The following JARID2 variants were observed in gnomAD, a reference collection of about 807,000 sequenced individuals.
JARID2 encodes jumonji and AT-rich interaction domain containing 2.
JARID2 carries 21 observed loss-of-function variants against 125.6 expected under a neutral mutation model. That is an observed-to-expected ratio of 0.17 (90% CI 0.12 to 0.24). JARID2 has a LOEUF of 0.24. Ranked by LOEUF, JARID2 falls within the 10% of genes least tolerant of loss-of-function variation. The pLI, the probability that JARID2 is intolerant of heterozygous loss-of-function variation, is 1.00. For missense variants in JARID2, 1,303 were observed against 1,639.6 expected, an observed-to-expected ratio of 0.79 and a Z score of 3.55; for synonymous variants, 736 against 661.6, an observed-to-expected ratio of 1.11 and a Z score of -1.73.
intron 6 of JARID2, among the ~76,000 whole-genome samples, chr6:15,493,501 T>C (rs967409787): frequency 6.6e-6 from 1 of 152,158 alleles, no homozygotes; most frequent in African/African-American, 2.4e-5. Context: ...GTCCGTCTCC[T>C]TAAGGAGACT....
chr6:15,496,590 G>A lies in JARID2; in HGVS notation c.1365G>A (p.Ser455=), dbSNP rs766332435. ...CACACCAGGCGGAGAAGCCGCAGTC[G>A]CCCCCCAAGAAGATGAAAGGGGCGG... ...EEAHQAEKPQ[S]PPKKMKGAAG... Residue 455 remains serine (S), a synonymous_variant, in exon 7 of 18, where the codon TCG becomes TCA. Transcript: ENST00000341776. 26 of 1,601,266 alleles carry A rather than the reference G, an allele frequency of 1.6e-5. No homozygotes were observed. Among genetic ancestry groups the A allele is most frequent in the South Asian group, 6.7e-5 (6 of 89,996 alleles).
At chr6:15,478,570 G>A (rs1429721714) in intron 5 of JARID2, among the ~76,000 whole-genome samples, 2 of 151,802 alleles carry the variant, frequency 1.3e-5, no homozygotes, top group Non-Finnish European at 2.9e-5. Flanking sequence ...GTAGTAAACA[G>A]TTTACAAATT....
intron 1 of JARID2, among the ~76,000 whole-genome samples, chr6:15,366,918 T>A (rs1764001290): frequency 6.6e-6 from 1 of 152,236 alleles, no homozygotes; most frequent in South Asian, 2.1e-4. Flanking sequence ...ATATTTGTTT[T>A]ATAATATTTA....
At chr6:15,437,572 C>T (rs1767263039) in intron 3 of JARID2, among the ~76,000 whole-genome samples, 1 of 151,434 alleles carries the variant, frequency 6.6e-6, no homozygotes, top group East Asian at 1.9e-4. Flanking sequence ...GGAACTTTTT[C>T]TCTACCCTCT....
intron 14 of JARID2, 30 bp from the exon 15 acceptor site, chr6:15,512,885 C>A: frequency 1.2e-6 from 2 of 1,601,714 alleles, no homozygotes; most frequent in Non-Finnish European, 1.7e-6. Flanking sequence ...AATGAAAATC[C>A]ACCCTAAAGG....
rs114187566 is a variant in JARID2, at chr6:15,463,247, C to A, written c.494-5295C>A. Reference sequence around the variant, plus strand: ...ACAATTCCCAAACCTCTAAAACATACAGCTTTTGTTGGTTACTTTTCTAAA... The same window carrying A: ...ACAATTCCCAAACCTCTAAAACATAAAGCTTTTGTTGGTTACTTTTCTAAA... On this transcript the variant is annotated intron_variant, in intron 4 of 17. Coordinates refer to ENST00000341776, the MANE Select transcript of JARID2 (RefSeq NM_004973.4). Among the ~76,000 whole-genome samples, 442 of 152,220 alleles carry A rather than the reference C, an allele frequency of 2.9e-3. 3 individuals carry two copies. Among genetic ancestry groups the A allele is most frequent in the South Asian group, 9.1e-3 (44 of 4,822 alleles).
intron 3 of JARID2, among the ~76,000 whole-genome samples, chr6:15,432,157 G>T (rs1766993844): frequency 6.6e-6 from 1 of 152,086 alleles, no homozygotes; most frequent in Non-Finnish European, 1.5e-5. Flanking sequence ...GGCCGGGTGT[G>T]GTGGCTCCCG....
intron 1 of JARID2, among the ~76,000 whole-genome samples, chr6:15,337,554 G>A (rs759310439): frequency 9.8e-5 from 15 of 152,288 alleles, no homozygotes; most frequent in East Asian, 3.9e-4. Context: ...GGCACTTCTC[G>A]TCTGCCACAC....
chr6:15,391,489 G>A lies in JARID2; in HGVS notation c.181+17237G>A, dbSNP rs140345471. Among the ~76,000 whole-genome samples, 429 of 152,252 alleles carry A rather than the reference G, an allele frequency of 2.8e-3. 2 individuals carry two copies. Among genetic ancestry groups the A allele is most frequent in the African/African-American group, 1.0e-2 (414 of 41,546 alleles). ...AGACAGAGGGGAGAAAGTGACTGTG[G>A]GAGAGCATCCGATGGGAACAAGCTC... On this transcript the variant is annotated intron_variant, in intron 2 of 17. Transcript: ENST00000341776.
At chr6:15,447,931 A>T (rs1412018071) in intron 3 of JARID2, among the ~76,000 whole-genome samples, 1 of 152,198 alleles carries the variant, frequency 6.6e-6, no homozygotes, top group Admixed American at 6.5e-5. Flanking sequence ...CCAGCATTCT[A>T]GAAGGAAACT....
At chr6:15,293,898 G>C (rs1186011097) in intron 1 of JARID2, among the ~76,000 whole-genome samples, 1 of 152,244 alleles carries the variant, frequency 6.6e-6, no homozygotes, top group African/African-American at 2.4e-5. Flanking sequence ...TGGCTGCCAG[G>C]AGGGACCTGC....
chr6:15,511,849 CG>C (rs1161612982), intron 13 of JARID2, among the ~76,000 whole-genome samples: 4 of 152,096 alleles, frequency 2.6e-5, no homozygotes, highest in Non-Finnish European at 5.9e-5. Context: ...AAGAGATGGA[CG>C]GGGGACTCCT....
chr6:15,337,622 A>T (rs1378571701), intron 1 of JARID2, among the ~76,000 whole-genome samples: 2 of 152,186 alleles, frequency 1.3e-5, no homozygotes, highest in African/African-American at 4.8e-5. Flanking sequence ...AGACATAAGG[A>T]TTAGGGGGGG....
rs116033541 is a variant in JARID2 at position 15,469,376 on chromosome 6, C to T, written c.670+658C>T. 9.3e-3 allele frequency among the ~76,000 whole-genome samples: 282 copies of T among 30,328 alleles called. 2 individuals are homozygous for T. Among genetic ancestry groups the T allele is most frequent in the Non-Finnish European group, 0.015 (209 of 14,184 alleles). 19.9% of individuals were successfully genotyped at this position (30,328 alleles called of 152,430 possible). A position where few individuals can be genotyped will look rare whatever the true frequency, so the allele number is the denominator to read the frequency against. ...CTCTCTCTCTCCTCCCCTTCTCCCC[C>T]TCTCCCCCTCTCCCCCTTTCCCCCT... On this transcript the variant is annotated intron_variant, in intron 5 of 17. Coordinates refer to ENST00000341776, the MANE Select transcript of JARID2 (RefSeq NM_004973.4).
At chr6:15,379,615 A>G (rs530156076) in intron 2 of JARID2, among the ~76,000 whole-genome samples, 8 of 152,294 alleles carry the variant, frequency 5.3e-5, no homozygotes, top group African/African-American at 1.7e-4. Flanking sequence ...GATTTAAGGG[A>G]CCCTGGATTC....
At chr6:15,445,445 G>C (rs1362136087) in intron 3 of JARID2, among the ~76,000 whole-genome samples, 1 of 152,184 alleles carries the variant, frequency 6.6e-6, no homozygotes, top group Non-Finnish European at 1.5e-5. Flanking sequence ...AAATTTTTAA[G>C]CGGTGATACC....
At chr6:15,460,503 G>A (rs903955731) in intron 4 of JARID2, among the ~76,000 whole-genome samples, 2 of 152,182 alleles carry the variant, frequency 1.3e-5, no homozygotes, top group Non-Finnish European at 2.9e-5. Context: ...GTATGGCAGT[G>A]CTGTTTTGTT....
chr6:15,483,267 G>C (rs7748741), intron 5 of JARID2, among the ~76,000 whole-genome samples: 99,980 of 152,068 alleles, frequency 0.66, 33,094 homozygotes, highest in East Asian at 0.81. Flanking sequence ...CTGTATATAG[G>C]AGAAGTGCTT....
chr6:15,397,208 T>TC (rs1765250960), intron 2 of JARID2, among the ~76,000 whole-genome samples: 1 of 152,332 alleles, frequency 6.6e-6, no homozygotes, highest in East Asian at 1.9e-4. Flanking sequence ...GAAAGTCAAA[T>TC]ATTAGCACAG....
Sources: allele counts gnomAD v4.1 joint callset (sites outside exome capture counted in the v4.1 genomes callset), GRCh38; gene constraint gnomAD v4.1.1; transcripts MANE v1.5; gene names NCBI Gene and HGNC (gene_info 2026-07-23, HGNC 2026-07-21).